Variants in TNR observed in about 807,000 individuals in gnomAD.
The protein encoded by TNR is tenascin R.
TNR carries 45 observed loss-of-function variants against 150.4 expected under a neutral mutation model. That is an observed-to-expected ratio of 0.30 (90% confidence interval 0.24 to 0.38). The LOEUF is 0.38. Ranked by LOEUF, TNR falls within the 10% of genes least tolerant of loss-of-function variation. The probability of loss-of-function intolerance (pLI) is 1.00; values close to 1 mark genes in which losing one functional copy is unlikely to be tolerated. For synonymous variants in TNR, 687 were observed against 678.4 expected (o/e 1.01, Z -0.20); for missense variants, 1,544 against 1,759.1 (o/e 0.88, Z 2.19).
chr1:175,622,572 C>T (rs1408009509), intron 1 of TNR, among the ~76,000 whole-genome samples: 1 of 152,236 alleles, frequency 6.6e-6, no homozygotes, highest in African/African-American at 2.4e-5. Flanking sequence ...TTGCCAACTC[C>T]TACGCATGTT....
intron 2 of TNR, among the ~76,000 whole-genome samples, chr1:175,440,704 A>T (rs908724434): frequency 2.0e-5 from 3 of 152,188 alleles, no homozygotes; most frequent in African/African-American, 7.2e-5. Context: ...TCGGGGGAGG[A>T]TTCAGTTCTG....
At chr1:175,467,277 C>T (rs1657077126) in intron 2 of TNR, among the ~76,000 whole-genome samples, 1 of 152,166 alleles carries the variant, frequency 6.6e-6, no homozygotes. Context: ...CCACCGTCCA[C>T]CTCTCCCACC....
chr1:175,510,370 G>GA (rs57853038), intron 2 of TNR, among the ~76,000 whole-genome samples: 35 of 148,352 alleles, frequency 2.4e-4, no homozygotes, highest in Admixed American at 5.3e-4. Flanking sequence ...CCAAAGCAAA[G>GA]AAAAAAAAAA....
intron 1 of TNR, among the ~76,000 whole-genome samples, chr1:175,710,655 T>A (rs1204277836): frequency 6.6e-6 from 1 of 151,976 alleles, no homozygotes; most frequent in African/African-American, 2.4e-5. Flanking sequence ...CCTCAATCTG[T>A]CCCCCTTTCC....
At position 175,543,455 on chromosome 1, in the gene TNR, TAGAGCCAGAGAGCAGCC is replaced by T. The variant is rs1274358591; in HGVS notation, c.-164-15103_-164-15087del. Among the ~76,000 whole-genome samples the T allele has an allele frequency of 5.3e-5, 8 of 152,194 alleles. No homozygotes were observed. The East Asian group carries it at 9.7e-4, about 18-fold the overall frequency. On this transcript the variant is annotated intron_variant, in intron 1 of 22. Transcript: ENST00000367674. ...AGTCCTCCAGCATAGGAAGGGGACC[TAGAGCCAGAGAGCAGCC>T]AGAGCCAGAGAGCAGCCAGAGAGTA... is the stretch of plus-strand genomic sequence containing the variant.
At chr1:175,345,329 C>T (rs149301769) in intron 18 of TNR, among the ~76,000 whole-genome samples, 39 of 152,224 alleles carry the variant, frequency 2.6e-4, no homozygotes, top group East Asian at 1.9e-3. Context: ...CAAAGGGACA[C>T]GAGCTCACAG....
Position 175,493,506 on chromosome 1 carries a change from C to G in TNR, c.-64+34763G>C, listed in dbSNP as rs180955130. On this transcript the variant is annotated intron_variant, in intron 2 of 22. Transcript: ENST00000367674. Reference sequence around the variant, plus strand: ...GCTAGGAGGAGCTGGCTCCGCCCCACGCTCACCAGGAGAAGGTCATCCCCC... The same window carrying G: ...GCTAGGAGGAGCTGGCTCCGCCCCAGGCTCACCAGGAGAAGGTCATCCCCC... Among the ~76,000 whole-genome samples the G allele has an allele frequency of 1.1e-3, 160 of 152,350 alleles. 1 individual carries two copies. Among genetic ancestry groups the G allele is most frequent in the Non-Finnish European group, 4.0e-4 (27 of 68,026 alleles).
chr1:175,386,190 A>G lies in TNR; in HGVS notation c.1619T>C (p.Leu540Pro). 1 of 1,612,294 alleles carries G rather than the reference A, an allele frequency of 6.2e-7. No individual in the cohort carries two copies. Among genetic ancestry groups the G allele is most frequent in the Non-Finnish European group, 8.5e-7 (1 of 1,178,590 alleles). The stretch of plus-strand genomic sequence containing the variant: ...GGTCCTCCCACCTTCCCCGCCCACC[A>G]GGCCATATTTCAAAAGAATGAAATC... Reference protein sequence around the residue: ...KVDFILLKYGLVGGEGGRTTF... With the variant: ...KVDFILLKYGPVGGEGGRTTF... Residue 540 changes from leucine to proline, a missense_variant, in exon 8 of 23, where the codon CTG becomes CCG. Coordinates refer to ENST00000367674, the MANE Select transcript of TNR (RefSeq NM_003285.3).
intron 2 of TNR, among the ~76,000 whole-genome samples, chr1:175,460,765 A>T (rs1050555921): frequency 6.6e-6 from 1 of 152,054 alleles, no homozygotes; most frequent in Admixed American, 6.6e-5. Context: ...AGGTTTTCTG[A>T]CTCTAAGGCC....
intron 17 of TNR, 61 bp downstream of exon 17, chr1:175,355,442 T>C: frequency 6.3e-7 from 1 of 1,589,202 alleles, no homozygotes; most frequent in Non-Finnish European, 8.6e-7. Flanking sequence ...ACTCCACTAG[T>C]CAGTTTCCAC....
chr1:175,697,699 A>G (rs1336268996), intron 1 of TNR, among the ~76,000 whole-genome samples: 2 of 152,184 alleles, frequency 1.3e-5, no homozygotes, highest in Non-Finnish European at 1.5e-5. Context: ...ATGGTGGCTG[A>G]TATTCAGCCT....
At chr1:175,331,217 C>G (rs1649904336) in intron 20 of TNR, among the ~76,000 whole-genome samples, 1 of 133,034 alleles carries the variant, frequency 7.5e-6, no homozygotes, top group African/African-American at 2.7e-5. Flanking sequence ...TTCCTTCCTT[C>G]CTTCTTTCCT....
chr1:175,718,923 G>C (rs539178867), intron 1 of TNR, among the ~76,000 whole-genome samples: 2 of 152,312 alleles, frequency 1.3e-5, no homozygotes, highest in South Asian at 4.1e-4. Context: ...CAAACAGCTT[G>C]TCTGAGTTCT....
At chr1:175,454,430 A>G (rs1199509031) in intron 2 of TNR, among the ~76,000 whole-genome samples, 1 of 152,218 alleles carries the variant, frequency 6.6e-6, no homozygotes, top group Non-Finnish European at 1.5e-5. Flanking sequence ...TCTGCAGTCC[A>G]GCAGAGCCCT....
rs150349477 is a variant in TNR at position 175,355,591 on chromosome 1, C to T, written c.3161G>A (p.Arg1054Lys). ...PANLTASEVT[R>K]QSALISWQPP... Reference sequence around the variant, plus strand: ...CTGCCAGGAGATCAGGGCACTTTGTCTGGTGACTTCACTGGCTGTCAGGTT... The same window carrying T: ...CTGCCAGGAGATCAGGGCACTTTGTTTGGTGACTTCACTGGCTGTCAGGTT... The change falls in exon 17 of 23, where the codon AGA (arginine) becomes AAA (lysine). Residue 1054 changes from arginine (R) to lysine (K), a missense_variant. Physicochemically the swap from Arg to Lys is conservative, Grantham distance 26. Around this residue, in one of 2 missense-constraint regions of TNR, gnomAD observed 290 missense variants for 429.7 expected, o/e 0.67. Coordinates refer to ENST00000367674, the MANE Select transcript of TNR (RefSeq NM_003285.3). The T allele has an allele frequency of 1.1e-5, 18 of 1,614,042 alleles. No individual in the cohort carries two copies. The highest frequency in any genetic ancestry group is 1.4e-5 in the Non-Finnish European group (16 of 1,179,916).
chr1:175,626,061 G>T (rs1250462178), intron 1 of TNR, among the ~76,000 whole-genome samples: 1 of 152,082 alleles, frequency 6.6e-6, no homozygotes, highest in African/African-American at 2.4e-5. Flanking sequence ...GCTTATCAGG[G>T]GTTTCCACTT....
chr1:175,526,556 G>A (rs1167379303), intron 2 of TNR, among the ~76,000 whole-genome samples: 1 of 152,194 alleles, frequency 6.6e-6, no homozygotes, highest in Admixed American at 6.5e-5. Context: ...CTGCAGTACA[G>A]AACAGGCTTG....
chr1:175,576,764 A>G (rs901198786), intron 1 of TNR, among the ~76,000 whole-genome samples: 3 of 152,126 alleles, frequency 2.0e-5, no homozygotes, highest in African/African-American at 7.2e-5. Flanking sequence ...TTCATTTTTG[A>G]GACACTATTT....
chr1:175,735,365 C>G (rs1217802489), intron 1 of TNR, among the ~76,000 whole-genome samples: 1 of 152,222 alleles, frequency 6.6e-6, no homozygotes, highest in Admixed American at 6.5e-5. Context: ...TCCCTGGGCC[C>G]AGCCACCACA....
Sources: gnomAD v4.1 joint callset for allele counts (sites outside exome capture counted in the v4.1 genomes callset) on GRCh38, gnomAD v4.1.1 for gene constraint, gnomAD v4.1.1 regional missense constraint, MANE v1.5 for transcripts, NCBI Gene and HGNC (gene_info 2026-07-23, HGNC 2026-07-21) for gene names.